The following CARHSP1 variants were observed in gnomAD, a reference collection of about 807,000 sequenced individuals.
CARHSP1 encodes the protein calcium regulated heat stable protein 1, also known as calcium-regulated heat-stable protein 1.
A neutral mutation model predicts 12.5 loss-of-function variants in CARHSP1; 14 were observed. The observed-to-expected ratio is 1.12, with a 90% CI of 0.74 to 1.75. The LOEUF (loss-of-function observed/expected upper bound fraction) is 1.75. Among genes scored for constraint, CARHSP1 ranks in the 40% most tolerant of loss-of-function variants. The pLI is 0.00. For missense variants in CARHSP1, 343 were observed against 201.6 expected (o/e 1.70, Z -4.25); for synonymous variants, 161 against 82.0 (o/e 1.96, Z -5.20).
At chr16:8,858,753 CTAA>C in intron 2 of CARHSP1, 1 of 475,036 alleles carries the variant, frequency 2.1e-6, no homozygotes, top group Non-Finnish European at 3.7e-6. Flanking sequence ...CCTCCAGAAA[CTAA>C]TGATTTACTA....
At chr16:8,859,393 T>A in intron 1 of CARHSP1, 58 bp from the exon 2 acceptor site, 1 of 1,473,848 alleles carries the variant, frequency 6.8e-7, no homozygotes, top group Non-Finnish European at 9.2e-7. Context: ...ACCCTGTGCT[T>A]ACCCCCATGT....
At chr16:8,866,567 A>T in intron 1 of CARHSP1, 1 of 566,004 alleles carries the variant, frequency 1.8e-6, no homozygotes, top group Non-Finnish European at 2.2e-6. Flanking sequence ...CCCAGATAGA[A>T]GGGTCCCTGG....
At chr16:8,857,263 G>GTTTTTTGTTTTTGTTTTTTTT (rs1315960023) in intron 3 of CARHSP1, among the ~76,000 whole-genome samples, 1 of 57,006 alleles carries the variant, frequency 1.8e-5, no homozygotes, top group Admixed American at 1.7e-4. Flanking sequence ...GGGCAGATCT[G>GTTTTTTGTTTTTGTTTTTTTT]TTTTTTTTTT....
intron 1 of CARHSP1, chr16:8,861,688 C>T (rs1252120440): frequency 7.8e-7 from 1 of 1,289,062 alleles, no homozygotes; most frequent in South Asian, 1.2e-5. Flanking sequence ...CTCTCAGCTA[C>T]AGCCGCGGCC....
At position 8,855,130 on chromosome 16, in the gene CARHSP1, A is replaced by C. The variant is rs751108950; in HGVS notation, c.*34T>G. 1 of 1,483,760 alleles carries C rather than the reference A, an allele frequency of 6.7e-7. No individual in the cohort carries two copies. Among genetic ancestry groups the C allele is most frequent in the Non-Finnish European group, 9.0e-7 (1 of 1,105,396 alleles). The allele number at this position is 1,483,760 out of a possible 1,614,324, so 91.9% of individuals were successfully genotyped here. ...CTGCCTCCTCCCTGCAAAGTCTCCC[A>C]CAAGCACAGGACAAGGGGTGCTTCC... On this transcript the variant is annotated 3_prime_UTR_variant, in exon 4 of 4. Transcript: ENST00000311052.
At chr16:8,859,369 C>G in intron 1 of CARHSP1, 34 bp from the exon 2 acceptor site, 1 of 1,577,994 alleles carries the variant, frequency 6.3e-7, no homozygotes, top group Non-Finnish European at 8.6e-7. Flanking sequence ...GGGCTCGTGC[C>G]TTGCAAGGTA....
At chr16:8,863,112 CT>C (rs71155412) in intron 1 of CARHSP1, among the ~76,000 whole-genome samples, 1,485 of 74,052 alleles carry the variant, frequency 0.02, 18 homozygotes, top group African/African-American at 0.076. Flanking sequence ...ACAAGGATGG[CT>C]TTTTTTTTTT....
chr16:8,859,218 G>C lies in CARHSP1; in HGVS notation c.111C>G (p.Asn37Lys), dbSNP rs753728291. ...GAGTGGGCAGTGGGCTTGGGACCACGTTGCCCCGCAGAGGGGATGGTGAGC... is the reference window on the plus strand; with the variant it reads ...GAGTGGGCAGTGGGCTTGGGACCACCTTGCCCCGCAGAGGGGATGGTGAGC... The part of the protein sequence containing the change: ...RERSPSPLRG[N>K]VVPSPLPTRR... The change falls in exon 2 of 4, where the codon AAC becomes AAG. Residue 37 changes from asparagine to lysine, a missense_variant. Transcript: ENST00000311052. 14 of 1,603,330 alleles carry C rather than the reference G, an allele frequency of 8.7e-6. No homozygotes were observed. The highest frequency in any genetic ancestry group is 1.7e-5 in the Admixed American group (1 of 58,464).
chr16:8,857,286 T>TTG lies in CARHSP1; in HGVS notation c.281+1063_281+1064insCA, dbSNP rs1567181277. Among the ~76,000 whole-genome samples the TTG allele has an allele frequency of 9.6e-5, 12 of 125,458 alleles. 1 individual carries two copies. Among genetic ancestry groups the TTG allele is most frequent in the African/African-American group, 3.6e-4 (12 of 33,062 alleles). The allele number at this position is 125,458 out of a possible 152,430, so 82.3% of individuals were successfully genotyped here. A position where few individuals can be genotyped will look rare whatever the true frequency, so the allele number is the denominator to read the frequency against. On this transcript the variant is annotated intron_variant, in intron 3 of 3. Coordinates refer to ENST00000311052, the MANE Select transcript of CARHSP1 (RefSeq NM_014316.4). The stretch of plus-strand genomic sequence containing the variant: ...CTGTTTTTTTTTTTTTTTTTTTTTT[T>TTG]TTTTTTTTTTTTTGAGATGGAGTTT...
chr16:8,861,518 G>A (rs2061354591), intron 1 of CARHSP1: 3 of 1,011,438 alleles, frequency 3.0e-6, no homozygotes, highest in African/African-American at 1.7e-5. Context: ...CAAGAACCAG[G>A]CCCGACTGCT....
At chr16:8,855,824 C>T (rs1490745206) in intron 3 of CARHSP1, among the ~76,000 whole-genome samples, 1 of 152,176 alleles carries the variant, frequency 6.6e-6, no homozygotes, top group African/African-American at 2.4e-5. Context: ...CCCCAGTTTC[C>T]CAGCCTGCCT....
Position 8,861,638 on chromosome 16 carries a change from T to C in CARHSP1, c.-7-2303A>G, listed in dbSNP as rs1356193233. ...TCGGGCTGGGAAGCTGGTGGCTGGC[T>C]TGCCTTCTGGAGGAGGTGGCATCCT... On this transcript the variant is annotated intron_variant, in intron 1 of 3. Transcript: ENST00000311052. The C allele has an allele frequency of 1.0e-5, 13 of 1,289,028 alleles. No individual in the cohort carries two copies. The African/African-American group carries it at 2.0e-4, about 20-fold the overall frequency. The allele number at this position is 1,289,028 out of a possible 1,614,324, so 79.8% of individuals were successfully genotyped here.
rs773632804 is a variant in CARHSP1, at chr16:8,859,255, C to CGAGGGGCTG, written c.73_74insCAGCCCCTC (p.Pro24_Arg25insProAlaPro). 2.5e-6 allele frequency: 4 copies of CGAGGGGCTG among 1,599,036 alleles called. No homozygotes were observed. The African/African-American group carries it at 5.6e-5, about 22-fold the overall frequency. On this transcript the variant is annotated inframe_insertion, in exon 2 of 4. Coordinates refer to ENST00000311052, the MANE Select transcript of CARHSP1 (RefSeq NM_014316.4). Reference sequence around the variant, plus strand: ...AGGGGATGGTGAGCGCTCACGGCTCCGAGGGGTGTCCAGCAGCCCGACTGA... The same window carrying CGAGGGGCTG: ...AGGGGATGGTGAGCGCTCACGGCTCCGAGGGGCTGGAGGGGTGTCCAGCAGCCCGACTGA...
intron 1 of CARHSP1, chr16:8,859,827 A>C: frequency 6.5e-6 from 1 of 152,826 alleles, no homozygotes; most frequent in Non-Finnish European, 1.5e-5. Flanking sequence ...CGAATACAAA[A>C]ATTAGCTGGG....
Position 8,855,304 on chromosome 16 carries a change from C to A in CARHSP1, c.304G>T (p.Val102Leu). ...ISDVEGEYVP[V>L]EGDEVTYKMC... is the part of the protein sequence containing the mutation. ...TTATAGGTGACCTCGTCGCCTTCCA[C>A]TGGGACATACTCCCCTTCCACACTA... Residue 102 changes from valine to leucine, a missense_variant, in exon 4 of 4, where the codon GTG (valine) becomes TTG (leucine). Physicochemically the swap from Val to Leu is conservative, Grantham distance 32 (BLOSUM62 1). Transcript: ENST00000311052. The A allele has an allele frequency of 6.2e-7, 1 of 1,607,406 alleles. No individual in the cohort carries two copies. The highest frequency in any genetic ancestry group is 8.5e-7 in the Non-Finnish European group (1 of 1,175,942).
At chr16:8,863,964 C>G (rs1483887441) in intron 1 of CARHSP1, among the ~76,000 whole-genome samples, 2 of 152,186 alleles carry the variant, frequency 1.3e-5, no homozygotes, top group Admixed American at 1.3e-4. Context: ...CAGCAGAAGA[C>G]AGGGCCTGCC....
intron 1 of CARHSP1, among the ~76,000 whole-genome samples, chr16:8,861,067 T>G (rs949388537): frequency 2.3e-5 from 3 of 129,148 alleles, no homozygotes; most frequent in African/African-American, 8.3e-5. Context: ...AATAAATAAC[T>G]TTTATTTTTT....
At chr16:8,863,818 C>A (rs1212247220) in intron 1 of CARHSP1, among the ~76,000 whole-genome samples, 1 of 152,184 alleles carries the variant, frequency 6.6e-6, no homozygotes, top group African/African-American at 2.4e-5. Flanking sequence ...CCCTGGCCAG[C>A]CTCTGCTGTG....
rs758623359 is a variant in CARHSP1, at chr16:8,858,450, G to T, written c.181C>A (p.Pro61Thr). 9 of 1,613,776 alleles carry T rather than the reference G, an allele frequency of 5.6e-6. No homozygotes were observed. Among genetic ancestry groups the T allele is most frequent in the Non-Finnish European group, 6.8e-6 (8 of 1,180,010 alleles). Reference protein sequence around the residue: ...FSATVRASQGPVYKGVCKCFC... With the variant: ...FSATVRASQGTVYKGVCKCFC... ...CATTTGCAGACTCCTTTGTAGACGGGGCCCTGTGAAGCCCGCACCGTCCTG... is the reference window on the plus strand; with the variant it reads ...CATTTGCAGACTCCTTTGTAGACGGTGCCCTGTGAAGCCCGCACCGTCCTG... The change falls in exon 3 of 4, where the codon CCC (proline) becomes ACC (threonine). Residue 61 changes from proline to threonine, a missense_variant. By Grantham distance (38) the Pro-to-Thr change is conservative. Coordinates refer to ENST00000311052, the MANE Select transcript of CARHSP1 (RefSeq NM_014316.4).
Sources: allele counts gnomAD v4.1 joint callset (sites outside exome capture counted in the v4.1 genomes callset), GRCh38; gene constraint gnomAD v4.1.1; transcripts MANE v1.5; gene names NCBI Gene and HGNC (gene_info 2026-07-23, HGNC 2026-07-21).